GAS7: variants seen among roughly 807,000 people sequenced by gnomAD.
GAS7 encodes the protein growth arrest-specific protein 7.
A neutral mutation model predicts 71.1 loss-of-function variants in GAS7; 28 were observed. The ratio of observed to expected loss-of-function variants is 0.39; its 90% CI spans 0.29 to 0.54. The LOEUF (loss-of-function observed/expected upper bound fraction) is 0.54. GAS7 is among the 20% of genes least tolerant of loss of function. GAS7 has a pLI of 0.62. For synonymous variants in GAS7, 258 were observed against 245.8 expected (o/e 1.05, Z -0.46); for missense variants, 436 against 627.8 (o/e 0.69, Z 3.27).
At chr17:9,940,248 C>A (rs78133171) in intron 7 of GAS7, 48 bp from the exon 8 acceptor site, 5 of 1,440,854 alleles carry the variant, frequency 3.5e-6, no homozygotes, top group Non-Finnish European at 3.9e-6. Flanking sequence ...AGTGCCAGAT[C>A]GTGGGTCTGC....
chr17:10,168,700 C>T lies in GAS7; in HGVS notation c.183+29508G>A, dbSNP rs555647447. ...AAAAAATTAATAATTAGGCTGGGCA[C>T]GGTGGCTCATGCCTGTAATCCCAGC... On this transcript the variant is annotated intron_variant, in intron 1 of 13. Transcript: ENST00000432992. Among the ~76,000 whole-genome samples, 6 of 152,240 alleles carry T rather than the reference C, an allele frequency of 3.9e-5. No individual in the cohort carries two copies. The East Asian group carries it at 9.6e-4, about 24-fold the overall frequency.
chr17:10,060,278 G>A (rs953680045), intron 1 of GAS7, among the ~76,000 whole-genome samples: 2 of 152,222 alleles, frequency 1.3e-5, no homozygotes, highest in Non-Finnish European at 2.9e-5. Flanking sequence ...AGCTAGCCGA[G>A]TGACACTGGG....
intron 1 of GAS7, among the ~76,000 whole-genome samples, chr17:10,084,294 T>C (rs2073490602): frequency 6.6e-6 from 1 of 152,240 alleles, no homozygotes; most frequent in Non-Finnish European, 1.5e-5. Flanking sequence ...AATTCATTTC[T>C]TCCCAGTGGT....
chr17:10,183,725 C>T (rs2074433014), intron 1 of GAS7, among the ~76,000 whole-genome samples: 2 of 152,114 alleles, frequency 1.3e-5, no homozygotes, highest in Non-Finnish European at 2.9e-5. Context: ...GCCTGTAGTC[C>T]CAGCTACTTG....
At chr17:9,999,924 G>A (rs1489694472) in intron 2 of GAS7, among the ~76,000 whole-genome samples, 2 of 152,294 alleles carry the variant, frequency 1.3e-5, no homozygotes, top group East Asian at 1.9e-4. Flanking sequence ...CCTGCAAAGA[G>A]GACTGAAAAC....
chr17:10,153,556 A>G (rs941071800), intron 1 of GAS7, among the ~76,000 whole-genome samples: 3 of 152,000 alleles, frequency 2.0e-5, no homozygotes, highest in Non-Finnish European at 4.4e-5. Context: ...GAGAAACCTG[A>G]AGCCTGACTG....
At chr17:10,104,027 T>A (rs1348104475) in intron 1 of GAS7, among the ~76,000 whole-genome samples, 2 of 152,108 alleles carry the variant, frequency 1.3e-5, no homozygotes, top group Non-Finnish European at 2.9e-5. Context: ...CCTTTAAATT[T>A]AAAAAATTAA....
chr17:9,929,800 GT>G (rs11393907), intron 9 of GAS7, among the ~76,000 whole-genome samples: 26 of 150,544 alleles, frequency 1.7e-4, no homozygotes, highest in East Asian at 3.9e-4. Flanking sequence ...TTAAAAGACA[GT>G]TTTTTTTTTC....
At chr17:10,098,415 C>T (rs772989229) in intron 1 of GAS7, among the ~76,000 whole-genome samples, 1 of 152,222 alleles carries the variant, frequency 6.6e-6, no homozygotes, top group South Asian at 2.1e-4. Flanking sequence ...CAGATCTCTC[C>T]ATCCACCACA....
Position 10,025,320 on chromosome 17 carries a change from TCTCTCCCCAGCTACACCTACTCAG to T in GAS7, c.184-5447_184-5424del, listed in dbSNP as rs1454598639. On this transcript the variant is annotated intron_variant, in intron 1 of 13. Coordinates refer to ENST00000432992, the MANE Select transcript of GAS7 (RefSeq NM_201433.2). ...CCAGTTACCTTAAAGTTGGGCCACA[TCTCTCCCCAGCTACACCTACTCAG>T]CTCCATTTCCTCACTGAGACCACCT... Among the ~76,000 whole-genome samples the T allele has an allele frequency of 9.9e-5, 15 of 151,856 alleles. No individual in the cohort carries two copies. In the East Asian group the frequency reaches 2.7e-3, roughly 27 times the overall value.
Position 9,932,632 on chromosome 17 carries a change from T to C in GAS7, c.885+1534A>G, listed in dbSNP as rs1231911190. Among the ~76,000 whole-genome samples, 4 of 152,142 alleles carry C rather than the reference T, an allele frequency of 2.6e-5. No homozygotes were observed. The East Asian group carries it at 7.7e-4, about 29-fold the overall frequency. On this transcript the variant is annotated intron_variant, in intron 9 of 13. Coordinates refer to ENST00000432992, the MANE Select transcript of GAS7 (RefSeq NM_201433.2). ...GTCGGAGAGAAAACCTGGAGGTATG[T>C]GCCAGGGAGTGGGGAAGGGAGAGTC...
chr17:10,179,921 G>T (rs79666594), intron 1 of GAS7, among the ~76,000 whole-genome samples: 9,565 of 152,224 alleles, frequency 0.063, 411 homozygotes, highest in Middle Eastern at 0.099. Flanking sequence ...ACGTAATATG[G>T]CAGTGACCAT....
intron 1 of GAS7, among the ~76,000 whole-genome samples, chr17:10,064,817 T>G (rs1200233606): frequency 6.6e-6 from 1 of 152,196 alleles, no homozygotes; most frequent in African/African-American, 2.4e-5. Context: ...GTTCCTTTTT[T>G]GTCTGAATCC....
chr17:10,063,308 G>A (rs1038847398), intron 1 of GAS7, among the ~76,000 whole-genome samples: 1 of 152,224 alleles, frequency 6.6e-6, no homozygotes, highest in African/African-American at 2.4e-5. Flanking sequence ...GTGTGTGTGT[G>A]TGCGTGCGCA....
intron 1 of GAS7, among the ~76,000 whole-genome samples, chr17:10,146,935 C>T (rs1434057183): frequency 6.9e-6 from 1 of 144,646 alleles, no homozygotes; most frequent in African/African-American, 2.5e-5. Flanking sequence ...GAGCTGAGAT[C>T]GCGCCAGAGC....
chr17:10,122,190 C>G (rs988281839), intron 1 of GAS7, among the ~76,000 whole-genome samples: 2 of 152,186 alleles, frequency 1.3e-5, no homozygotes, highest in African/African-American at 4.8e-5. Flanking sequence ...CCGGTGGTAC[C>G]CACCCAGGAG....
Position 10,027,578 on chromosome 17 carries a change from C to A in GAS7, c.184-7681G>T, listed in dbSNP as rs117569517. Among the ~76,000 whole-genome samples the A allele has an allele frequency of 7.0e-3, 1,059 of 152,352 alleles. 37 individuals carry two copies. The East Asian group carries it at 0.11, about 16-fold the overall frequency. On this transcript the variant is annotated intron_variant, in intron 1 of 13. Transcript: ENST00000432992. Reference sequence around the variant, plus strand: ...AGCAGCTTCACGCGGTATTCACTAGCTTGTCCTTCTGCCTTCCACCATGTG... The same window carrying A: ...AGCAGCTTCACGCGGTATTCACTAGATTGTCCTTCTGCCTTCCACCATGTG...
intron 11 of GAS7, among the ~76,000 whole-genome samples, chr17:9,923,650 A>G (rs1180435609): frequency 6.6e-6 from 1 of 152,244 alleles, no homozygotes; most frequent in Non-Finnish European, 1.5e-5. Context: ...ATAACACACA[A>G]TGTTGATAAG....
intron 1 of GAS7, among the ~76,000 whole-genome samples, chr17:10,176,005 C>T (rs759733568): frequency 3.3e-4 from 51 of 152,296 alleles, no homozygotes; most frequent in African/African-American, 1.1e-3. Flanking sequence ...TGGTTCCCCA[C>T]GGACAATGAA....
Sources: gnomAD v4.1 joint callset for allele counts (sites outside exome capture counted in the v4.1 genomes callset) on GRCh38, gnomAD v4.1.1 for gene constraint, MANE v1.5 for transcripts, NCBI Gene and HGNC (gene_info 2026-07-23, HGNC 2026-07-21) for gene names.